The following IL10RB variants were observed in gnomAD, a reference collection of about 807,000 sequenced individuals.
IL10RB encodes the protein interleukin-10 receptor subunit beta.
A neutral mutation model predicts 38.7 loss-of-function variants in IL10RB; 30 were observed. That is an observed-to-expected ratio of 0.78 (90% CI 0.58 to 1.05). The LOEUF (loss-of-function observed/expected upper bound fraction) is 1.05, where lower values mean the gene tolerates loss of function less well. Ranked by LOEUF, IL10RB falls within the 50% of genes least tolerant of loss-of-function variation. IL10RB has a pLI of 0.00. For missense variants in IL10RB, 328 were observed against 397.1 expected (o/e 0.83, Z 1.48); for synonymous variants, 142 against 145.9 (o/e 0.97, Z 0.19).
At chr21:33,294,295 A>G (rs1265259314) in intron 6 of IL10RB, among the ~76,000 whole-genome samples, 1 of 152,122 alleles carries the variant, frequency 6.6e-6, no homozygotes, top group Non-Finnish European at 1.5e-5. Flanking sequence ...GAGATTTGCT[A>G]GGAATGGAGA....
At chr21:33,291,378 G>C (rs180804741) in intron 6 of IL10RB, among the ~76,000 whole-genome samples, 6 of 152,126 alleles carry the variant, frequency 3.9e-5, no homozygotes, top group African/African-American at 1.2e-4. Flanking sequence ...TGATTCTCCT[G>C]CCTCAGCCTC....
chr21:33,303,597 C>T (rs879808192), intron 1 of IL10RB, among the ~76,000 whole-genome samples: 14 of 152,096 alleles, frequency 9.2e-5, no homozygotes, highest in Middle Eastern at 3.2e-3. Context: ...TCAAGTGATC[C>T]GGCCACCTTG....
At chr21:33,286,675 A>AC (rs8178517) in intron 5 of IL10RB, among the ~76,000 whole-genome samples, 56,763 of 151,492 alleles carry the variant, frequency 0.37, 11,472 homozygotes, top group Non-Finnish European at 0.45. Context: ...AAATAGTGGG[A>AC]CCCCCATCTC....
chr21:33,303,495 T>C (rs377477699), intron 1 of IL10RB, among the ~76,000 whole-genome samples: 2 of 151,986 alleles, frequency 1.3e-5, no homozygotes, highest in East Asian at 3.9e-4. Flanking sequence ...GCTGGGACTA[T>C]AGTTGTGTGC....
At chr21:33,306,779 C>T (rs1225641343) in intron 1 of IL10RB, among the ~76,000 whole-genome samples, 1 of 152,148 alleles carries the variant, frequency 6.6e-6, no homozygotes, top group African/African-American at 2.4e-5. Flanking sequence ...TCAAGCAATC[C>T]TCCTGCCTTG....
exon 2 of IL10RB, chr21:33,309,942 C>G (rs924789876): frequency 6.6e-6 from 1 of 152,148 alleles, no homozygotes; most frequent in African/African-American, 2.4e-5. Context: ...GTAGGGCCTA[C>G]AGCAGGTAAT....
At chr21:33,298,466 T>C (rs1053296195), downstream of IL10RB, among the ~76,000 whole-genome samples, 1 of 151,916 alleles carries the variant, frequency 6.6e-6, no homozygotes, top group Admixed American at 6.6e-5. Context: ...ATACAAAAAT[T>C]AGCCAGGCGT....
chr21:33,280,406 C>T (rs1989259414), intron 4 of IL10RB, among the ~76,000 whole-genome samples: 1 of 152,190 alleles, frequency 6.6e-6, no homozygotes, highest in Non-Finnish European at 1.5e-5. Context: ...CCATTGGTCA[C>T]TTTCTTGACC....
intron 2 of IL10RB, 136 bp downstream of exon 2, chr21:33,268,653 GC>G: frequency 1.3e-6 from 1 of 743,010 alleles, no homozygotes; most frequent in Admixed American, 1.9e-5. Flanking sequence ...GAGCCTCCCT[GC>G]CAGCCTTTTG....
chr21:33,293,254 T>G (rs959470619), intron 6 of IL10RB, among the ~76,000 whole-genome samples: 12 of 152,210 alleles, frequency 7.9e-5, no homozygotes, highest in African/African-American at 2.7e-4. Context: ...ATAGCTAATA[T>G]CAGGCCCTTG....
intron 3 of IL10RB, among the ~76,000 whole-genome samples, chr21:33,277,943 G>T (rs1258001877): frequency 2.0e-5 from 3 of 147,544 alleles, no homozygotes; most frequent in Admixed American, 1.4e-4. Flanking sequence ...AAAGTGCTGG[G>T]ATTACAGACA....
At chr21:33,267,669 C>A (rs1988992800) in intron 1 of IL10RB, among the ~76,000 whole-genome samples, 1 of 151,904 alleles carries the variant, frequency 6.6e-6, no homozygotes, top group Non-Finnish European at 1.5e-5. Flanking sequence ...GTGTGTGCCA[C>A]TACGCCTGGC....
At chr21:33,305,284 T>C (rs1350425648) in intron 1 of IL10RB, among the ~76,000 whole-genome samples, 2 of 152,082 alleles carry the variant, frequency 1.3e-5, no homozygotes, top group Non-Finnish European at 2.9e-5. Context: ...AATTTTTTTT[T>C]CTTTTTATAG....
chr21:33,281,886 G>A (rs936783739), intron 4 of IL10RB, among the ~76,000 whole-genome samples: 2 of 152,150 alleles, frequency 1.3e-5, no homozygotes, highest in Non-Finnish European at 2.9e-5. Flanking sequence ...AAAGTGAGAA[G>A]ATAAAACCAG....
At chr21:33,306,566 G>C (rs948303092) in intron 1 of IL10RB, among the ~76,000 whole-genome samples, 2 of 152,046 alleles carry the variant, frequency 1.3e-5, no homozygotes, top group African/African-American at 4.8e-5. Context: ...GGGTTTTTGG[G>C]GGGTGGGGTT....
chr21:33,277,166 C>T (rs767443594), intron 3 of IL10RB, among the ~76,000 whole-genome samples: 8 of 151,918 alleles, frequency 5.3e-5, no homozygotes, highest in Non-Finnish European at 1.0e-4. Context: ...TGCGGACAGC[C>T]GGCTTGCCCA....
At chr21:33,281,670 C>T (rs915185041) in intron 4 of IL10RB, among the ~76,000 whole-genome samples, 1 of 152,180 alleles carries the variant, frequency 6.6e-6, no homozygotes, top group Non-Finnish European at 1.5e-5. Context: ...GCAACCTCCG[C>T]CTCCTGGGTT....
downstream of IL10RB, among the ~76,000 whole-genome samples, chr21:33,298,528 C>A (rs2082976682): frequency 6.6e-6 from 1 of 152,116 alleles, no homozygotes; most frequent in Non-Finnish European, 1.5e-5. Flanking sequence ...ACAGGAGAAT[C>A]ACTTGAACCC....
intron 4 of IL10RB, among the ~76,000 whole-genome samples, chr21:33,280,703 A>G (rs1204407597): frequency 1.3e-5 from 2 of 152,166 alleles, no homozygotes; most frequent in Non-Finnish European, 2.9e-5. Context: ...ACTGACATAT[A>G]TATGTTATGT....
Sources: gnomAD v4.1 joint callset for allele counts (sites outside exome capture counted in the v4.1 genomes callset) on GRCh38, gnomAD v4.1.1 for gene constraint, MANE v1.5 for transcripts, NCBI Gene and HGNC (gene_info 2026-07-23, HGNC 2026-07-21) for gene names.